TIMP1: variants seen among roughly 807,000 people sequenced by gnomAD.
TIMP1 encodes TIMP metallopeptidase inhibitor 1, also known as metalloproteinase inhibitor 1.
In TIMP1, 5 loss-of-function variants were observed where a neutral mutation model predicts 13.7. The ratio of observed to expected loss-of-function variants is 0.36; its 90% CI spans 0.19 to 0.76. The LOEUF (loss-of-function observed/expected upper bound fraction) is 0.76, where lower values mean the gene tolerates loss of function less well. Among genes scored for constraint, TIMP1 ranks in the 30% least tolerant of loss-of-function variants. TIMP1 has a pLI of 0.51. For synonymous variants in TIMP1, 63 were observed against 67.1 expected (o/e 0.94, Z 0.30); for missense variants, 131 against 168.4 (o/e 0.78, Z 1.23).
In TIMP1 at chrX:47,585,348, G is replaced by A. The variant is rs775338581; in HGVS notation, c.328+17G>A. On this transcript the variant is annotated intron_variant, in intron 4 of 5. Transcript: ENST00000218388. ...TCATTGCTGGTGAGGCACCGTCCCC[G>A]CGCCCTGTGCCACACCAACCAGTCC... is the stretch of plus-strand genomic sequence containing the variant. 1.1e-5 allele frequency: 13 copies of A among 1,209,176 alleles called. No homozygotes were observed. The highest frequency in any genetic ancestry group is 1.2e-5 in the Non-Finnish European group (11 of 894,809).
In TIMP1 at chrX:47,586,676, G is replaced by A. The variant is rs372062333; in HGVS notation, c.609G>A (p.Arg203=). The change falls in exon 6 of 6, where the codon CGG becomes CGA. Residue 203 remains arginine, a synonymous_variant. Coordinates refer to ENST00000218388, the MANE Select transcript of TIMP1 (RefSeq NM_003254.3). ...EPGLCTWQSL[R]SQIA is the part of the protein sequence containing the mutation. ...GGCTGTGCACCTGGCAGTCCCTGCG[G>A]TCCCAGATAGCCTGAATCCTGCCCG... 7 of 1,208,146 alleles carry A rather than the reference G, an allele frequency of 5.8e-6. No homozygotes were observed. Among genetic ancestry groups the A allele is most frequent in the South Asian group, 1.8e-5 (1 of 56,886 alleles).
chrX:47,585,052 A>C (rs758621364), intron 3 of TIMP1, 37 bp downstream of exon 3: 2 of 1,196,532 alleles, frequency 1.7e-6, no homozygotes, highest in East Asian at 5.9e-5. Flanking sequence ...AGCATTTTCT[A>C]ACATCTTCCT....
intron 5 of TIMP1, 95 bp downstream of exon 5, chrX:47,585,762 G>A: frequency 8.5e-7 from 1 of 1,171,096 alleles, no homozygotes; most frequent in Non-Finnish European, 1.1e-6. Flanking sequence ...GCTATTCTGT[G>A]TCCCTGTGGC....
At chrX:47,585,697 G>C in intron 5 of TIMP1, 30 bp downstream of exon 5, 1 of 1,207,257 alleles carries the variant, frequency 8.3e-7, no homozygotes, top group East Asian at 3.0e-5. Context: ...CCTCCAACGG[G>C]AGATCCTTCC....
chrX:47,582,555 C>T, intron 1 of TIMP1, 81 bp downstream of exon 1: 2 of 360,998 alleles, frequency 5.5e-6, no homozygotes, highest in South Asian at 5.1e-5. Flanking sequence ...CGTGCACTCC[C>T]GTGCCAGATG....
At position 47,586,698 on chromosome X, in the gene TIMP1, C is replaced by A. The variant is rs1448545773; in HGVS notation, c.*7C>A. The A allele has an allele frequency of 8.3e-7, 1 of 1,206,200 alleles. No homozygotes were observed. The highest frequency in any genetic ancestry group is 1.8e-5 in the South Asian group (1 of 56,917). The stretch of plus-strand genomic sequence containing the variant: ...GCGGTCCCAGATAGCCTGAATCCTG[C>A]CCGGAGTGGAAGCTGAAGCCTGCAC... On this transcript the variant is annotated 3_prime_UTR_variant, in exon 6 of 6. Coordinates refer to ENST00000218388, the MANE Select transcript of TIMP1 (RefSeq NM_003254.3).
chrX:47,583,589 TC>T, intron 2 of TIMP1, 53 bp downstream of exon 2: 1 of 1,132,913 alleles, frequency 8.8e-7, no homozygotes. Context: ...TCCCTTTCAG[TC>T]CAGTGGGGCT....
At chrX:47,584,367 A>AT (rs1403711398) in intron 2 of TIMP1, among the ~76,000 whole-genome samples, 2 of 107,317 alleles carry the variant, frequency 1.9e-5, no homozygotes, top group East Asian at 5.8e-4. Context: ...CAGATATAGA[A>AT]TATAGGGGTT....
chrX:47,583,179 G>A (rs1444339686), intron 1 of TIMP1, among the ~76,000 whole-genome samples: 1 of 54,644 alleles, frequency 1.8e-5, no homozygotes, highest in African/African-American at 7.7e-5. Flanking sequence ...CCATAACCCC[G>A]CAACTCACTC....
intron 1 of TIMP1, among the ~76,000 whole-genome samples, chrX:47,583,168 C>T (rs1174530657): frequency 8.0e-5 from 8 of 100,505 alleles, no homozygotes; most frequent in Non-Finnish European, 1.6e-4. Context: ...GTGCCACAAC[C>T]CCATAACCCC....
At chrX:47,585,758 C>T (rs958677737) in intron 5 of TIMP1, 91 bp downstream of exon 5, 10 of 1,171,651 alleles carry the variant, frequency 8.5e-6, no homozygotes, top group Non-Finnish European at 9.1e-6. Flanking sequence ...TCTGGCTATT[C>T]TGTGTCCCTG....
rs770619788 is a variant in TIMP1, at chrX:47,585,207, G to A, written c.204G>A (p.Met68Ile). ...YQRYEIKMTK[M>I]YKGFQALGDA... is the part of the protein sequence containing the mutation. ...CACTTCCCCTCATCCATCAACAGATGTATAAAGGGTTCCAAGCCTTAGGGG... is the reference window on the plus strand; with the variant it reads ...CACTTCCCCTCATCCATCAACAGATATATAAAGGGTTCCAAGCCTTAGGGG... The change falls in exon 4 of 6, where the codon ATG (methionine) becomes ATA (isoleucine). Residue 68 changes from methionine (M) to isoleucine (I), a missense_variant and splice_region_variant. Met to Ile is a conservative substitution (Grantham distance 10). Coordinates refer to ENST00000218388, the MANE Select transcript of TIMP1 (RefSeq NM_003254.3). 1.7e-6 allele frequency: 2 copies of A among 1,184,484 alleles called. No individual in the cohort carries two copies. The highest frequency in any genetic ancestry group is 2.4e-4 in the Middle Eastern group (1 of 4,232).
rs189924531 is a variant in TIMP1 at position 47,583,271 on chromosome X, C to T, written c.-8-137C>T. Reference sequence around the variant, plus strand: ...CCCCAATCCCCTTAAAATCCCTAAGCTTACCAACCCCTCAAGCCCAAATCC... The same window carrying T: ...CCCCAATCCCCTTAAAATCCCTAAGTTTACCAACCCCTCAAGCCCAAATCC... On this transcript the variant is annotated intron_variant, in intron 1 of 5. Coordinates refer to ENST00000218388, the MANE Select transcript of TIMP1 (RefSeq NM_003254.3). 1.3e-3 allele frequency: 551 copies of T among 431,283 alleles called. 5 individuals are homozygous for T. In the East Asian group the frequency reaches 0.017, roughly 13 times the overall value. 35.5% of individuals were successfully genotyped at this position (431,283 alleles called of 1,213,427 possible). A position where few individuals can be genotyped will look rare whatever the true frequency, so the allele number is the denominator to read the frequency against.
In TIMP1 at chrX:47,585,606, T is replaced by C; in HGVS notation, c.392T>C (p.Leu131Pro). 8.3e-7 allele frequency: 1 copy of C among 1,198,390 alleles called. No homozygotes were observed. Among genetic ancestry groups the C allele is most frequent in the Non-Finnish European group, 1.1e-6 (1 of 888,557 alleles). Residue 131 changes from leucine to proline, a missense_variant, in exon 5 of 6, where the codon CTG becomes CCG. By Grantham distance (98) the Leu-to-Pro change is moderately conservative (BLOSUM62 -3). Transcript: ENST00000218388. ...TCSFVAPWNS[L>P]SLAQRRGFTK... Reference sequence around the variant, plus strand: ...AGTTTTGTGGCTCCCTGGAACAGCCTGAGCTTAGCTCAGCGCCGGGGCTTC... The same window carrying C: ...AGTTTTGTGGCTCCCTGGAACAGCCCGAGCTTAGCTCAGCGCCGGGGCTTC...
At position 47,585,340 on chromosome X, in the gene TIMP1, C is replaced by T. The variant is rs1385530455; in HGVS notation, c.328+9C>T. 1 of 1,209,875 alleles carries T rather than the reference C, an allele frequency of 8.3e-7. No individual in the cohort carries two copies. The highest frequency in any genetic ancestry group is 1.7e-5 in the African/African-American group (1 of 57,223). On this transcript the variant is annotated intron_variant, in intron 4 of 5. Transcript: ENST00000218388. ...GGAGTTTCTCATTGCTGGTGAGGCA[C>T]CGTCCCCGCGCCCTGTGCCACACCA...
Position 47,586,509 on chromosome X carries a change from C to T in TIMP1, c.454-12C>T, listed in dbSNP as rs774545307. The T allele has an allele frequency of 5.8e-6, 7 of 1,207,719 alleles. No individual in the cohort carries two copies. The highest frequency in any genetic ancestry group is 7.8e-6 in the Non-Finnish European group (7 of 893,492). ...GAGAAGCCCTCAGAGATGTTTCCCT[C>T]CTCCCTTCCAGGTGTTTCCCTGTTT... On this transcript the variant is annotated splice_polypyrimidine_tract_variant and intron_variant, in intron 5 of 5. Transcript: ENST00000218388.
At chrX:47,583,040 T>C (rs988888351) in intron 1 of TIMP1, among the ~76,000 whole-genome samples, 2 of 91,875 alleles carry the variant, frequency 2.2e-5, no homozygotes, top group Non-Finnish European at 4.2e-5. Context: ...CCCTAAACTC[T>C]GCCGTCTCCA....
At chrX:47,585,036 T>C (rs750811363) in intron 3 of TIMP1, 21 bp downstream of exon 3, 2 of 1,202,090 alleles carry the variant, frequency 1.7e-6, no homozygotes, top group East Asian at 3.0e-5. Context: ...CCCCCGCCTC[T>C]TTCCCAGCAT....
chrX:47,582,585 C>T, intron 1 of TIMP1, 111 bp downstream of exon 1: 2 of 367,568 alleles, frequency 5.4e-6, no homozygotes, highest in South Asian at 2.5e-5. Flanking sequence ...TCAGCTTGGC[C>T]TGCGGGTACC....
Sources: gnomAD v4.1 joint callset for allele counts (sites outside exome capture counted in the v4.1 genomes callset) on GRCh38, gnomAD v4.1.1 for gene constraint, MANE v1.5 for transcripts, NCBI Gene and HGNC (gene_info 2026-07-23, HGNC 2026-07-21) for gene names.